Variants in PLEKHA8 observed in about 807,000 individuals in gnomAD.
PLEKHA8 encodes pleckstrin homology domain-containing family A member 8.
A neutral mutation model predicts 68.2 loss-of-function variants in PLEKHA8; 36 were observed. The observed-to-expected ratio is 0.53, with a 90% CI of 0.40 to 0.70. PLEKHA8 has a LOEUF of 0.70. PLEKHA8 is among the 30% of genes least tolerant of loss of function. The probability of loss-of-function intolerance (pLI) is 0.00; values close to 1 mark genes in which losing one functional copy is unlikely to be tolerated. For synonymous variants in PLEKHA8, 211 were observed against 216.1 expected (o/e 0.98, Z 0.20); for missense variants, 505 against 615.4 (o/e 0.82, Z 1.90).
chr7:30,082,305 A>ATC lies in PLEKHA8; in HGVS notation c.*3519_*3520dup. ...ACTGAAAATTGCCAGCAGTACCGCC[A>ATC]TCAGCACACCAAATCTACCCCCACT... On this transcript the variant is annotated 3_prime_UTR_variant, in exon 14 of 14. Coordinates refer to ENST00000449726, the MANE Select transcript of PLEKHA8 (RefSeq NM_001197026.2). 1 of 985,576 alleles carries ATC rather than the reference A, an allele frequency of 1.0e-6. No individual in the cohort carries two copies. The highest frequency in any genetic ancestry group is 1.2e-6 in the Non-Finnish European group (1 of 830,070). 61.1% of individuals were successfully genotyped at this position (985,576 alleles called of 1,614,324 possible).
chr7:30,075,455 T>C (rs1794551159), intron 13 of PLEKHA8, among the ~76,000 whole-genome samples: 1 of 152,180 alleles, frequency 6.6e-6, no homozygotes, highest in Admixed American at 6.5e-5. Flanking sequence ...CCCACTATTT[T>C]ACAAATTCAG....
At chr7:30,123,795 C>T (rs1233350325) in intron 13 of PLEKHA8, among the ~76,000 whole-genome samples, 2 of 152,096 alleles carry the variant, frequency 1.3e-5, no homozygotes, top group Non-Finnish European at 1.5e-5. Context: ...TACCTGGGCA[C>T]CTAGATTTAG....
intron 13 of PLEKHA8, chr7:30,116,046 GCATA>G (rs1562558862): frequency 6.9e-6 from 1 of 144,236 alleles, no homozygotes; most frequent in Admixed American, 6.8e-5. Context: ...GTGCGCATAC[GCATA>G]CATACGTATG....
intron 13 of PLEKHA8, among the ~76,000 whole-genome samples, chr7:30,121,719 C>G (rs1197022311): frequency 1.3e-5 from 2 of 152,170 alleles, no homozygotes. Context: ...CTTTGTATCT[C>G]TGCCCAGAGG....
chr7:30,061,655 T>C (rs1320291087), intron 10 of PLEKHA8, among the ~76,000 whole-genome samples: 1 of 152,242 alleles, frequency 6.6e-6, no homozygotes, highest in Non-Finnish European at 1.5e-5. Context: ...AGAGAGGTTC[T>C]GAGGCAGAAA....
At position 30,028,434 on chromosome 7, in the gene PLEKHA8, G is replaced by A. The variant is rs1376822014; in HGVS notation, c.-329G>A. 1 of 270,152 alleles carries A rather than the reference G, an allele frequency of 3.7e-6. No individual in the cohort carries two copies. The highest frequency in any genetic ancestry group is 5.4e-5 in the Admixed American group (1 of 18,560). The allele number at this position is 270,152 out of a possible 1,614,324, so 16.7% of individuals were successfully genotyped here. A position where few individuals can be genotyped will look rare whatever the true frequency, so the allele number is the denominator to read the frequency against. On this transcript the variant is annotated 5_prime_UTR_variant, in exon 1 of 14. Coordinates refer to ENST00000449726, the MANE Select transcript of PLEKHA8 (RefSeq NM_001197026.2). Reference sequence around the variant, plus strand: ...GGTGGTGCGCCGTGGCGCCGCCTGCGACCGGCAGCTCGTTCGCCGCACTTT... The same window carrying A: ...GGTGGTGCGCCGTGGCGCCGCCTGCAACCGGCAGCTCGTTCGCCGCACTTT...
At chr7:30,096,514 A>C (rs541232336) in intron 13 of PLEKHA8, among the ~76,000 whole-genome samples, 1 of 152,084 alleles carries the variant, frequency 6.6e-6, no homozygotes, top group Non-Finnish European at 1.5e-5. Context: ...AATGCCCTTT[A>C]TTTCCTTCTC....
In PLEKHA8 at chr7:30,028,632, A is replaced by G. The variant is rs1295116906; in HGVS notation, c.-131A>G. The stretch of plus-strand genomic sequence containing the variant: ...TGTGAGGCGGGCCGGGCGTCCCCAC[A>G]CCGGGCCCGGGCGCCGGGAGTGGGC... On this transcript the variant is annotated 5_prime_UTR_variant, in exon 1 of 14. Transcript: ENST00000449726. 1.4e-5 allele frequency: 9 copies of G among 645,952 alleles called. No homozygotes were observed. The highest frequency in any genetic ancestry group is 4.7e-4 in the Middle Eastern group (1 of 2,134). 40.0% of individuals were successfully genotyped at this position (645,952 alleles called of 1,614,324 possible). A position where few individuals can be genotyped will look rare whatever the true frequency, so the allele number is the denominator to read the frequency against.
chr7:30,090,361 T>A, exon 13 of PLEKHA8: 1 of 663,470 alleles, frequency 1.5e-6, no homozygotes, highest in Non-Finnish European at 2.5e-6. Context: ...TCAAATGTAT[T>A]ATTGCCAACC....
chr7:30,102,480 A>G (rs971933291), intron 13 of PLEKHA8, among the ~76,000 whole-genome samples: 2 of 152,366 alleles, frequency 1.3e-5, no homozygotes, highest in East Asian at 3.9e-4. Flanking sequence ...GCCAATATCC[A>G]TTGCAGCATT....
chr7:30,092,453 C>G (rs544164601), downstream of PLEKHA8, among the ~76,000 whole-genome samples: 32 of 152,130 alleles, frequency 2.1e-4, no homozygotes, highest in African/African-American at 7.7e-4. Context: ...CTAGTCATGT[C>G]TGTATGTGAA....
At chr7:30,088,017 G>A (rs952206124), downstream of PLEKHA8, among the ~76,000 whole-genome samples, 5 of 152,160 alleles carry the variant, frequency 3.3e-5, no homozygotes, top group Non-Finnish European at 5.9e-5. Context: ...TTCCTTGTCC[G>A]TCGTAGAATT....
chr7:30,056,748 T>TAA (rs1562870903), intron 9 of PLEKHA8, among the ~76,000 whole-genome samples: 711 of 69,516 alleles, frequency 0.01, 20 homozygotes, highest in African/African-American at 0.024. Flanking sequence ...AAAAAGTGTG[T>TAA]GTGTGTGTGT....
At chr7:30,038,981 A>C (rs1791318752) in intron 1 of PLEKHA8, among the ~76,000 whole-genome samples, 2 of 148,580 alleles carry the variant, frequency 1.3e-5, no homozygotes, top group Non-Finnish European at 1.5e-5. Context: ...ATATAAGTGC[A>C]TTTCTTGAAG....
At chr7:30,073,689 A>G (rs1051939334) in intron 12 of PLEKHA8, among the ~76,000 whole-genome samples, 5 of 151,702 alleles carry the variant, frequency 3.3e-5, no homozygotes, top group African/African-American at 1.2e-4. Flanking sequence ...TCGTGCTACT[A>G]TGCATTATAC....
chr7:30,078,037 A>G (rs1794719076), intron 13 of PLEKHA8, among the ~76,000 whole-genome samples: 1 of 152,212 alleles, frequency 6.6e-6, no homozygotes, highest in South Asian at 2.1e-4. Context: ...AGAATAAACT[A>G]TGTTAAAGCA....
At chr7:30,094,157 T>G (rs1795517198), downstream of PLEKHA8, among the ~76,000 whole-genome samples, 1 of 152,242 alleles carries the variant, frequency 6.6e-6, no homozygotes, top group South Asian at 2.1e-4. Context: ...CGAAGGGACA[T>G]CTTTAGACTG....
chr7:30,054,948 A>G (rs1792719428), intron 8 of PLEKHA8, 83 bp downstream of exon 8: 7 of 1,333,044 alleles, frequency 5.3e-6, no homozygotes, highest in Non-Finnish European at 7.3e-6. Context: ...CTTTCAGGTG[A>G]TGGCATATTC....
chr7:30,078,546 A>C, intron 13 of PLEKHA8, 44 bp from the exon 14 acceptor site: 1 of 1,597,968 alleles, frequency 6.3e-7, no homozygotes, highest in Non-Finnish European at 8.6e-7. Context: ...TAAGAGTGTG[A>C]GAGACAGACT....
Sources: gnomAD v4.1 joint callset for allele counts (sites outside exome capture counted in the v4.1 genomes callset) on GRCh38, gnomAD v4.1.1 for gene constraint, MANE v1.5 for transcripts, NCBI Gene and HGNC (gene_info 2026-07-23, HGNC 2026-07-21) for gene names.